The following MYH11 variants were observed in gnomAD, a reference collection of about 807,000 sequenced individuals.
MYH11 encodes the protein myosin-11.
MYH11 carries 80 observed loss-of-function variants against 246.6 expected under a neutral mutation model. That is an observed-to-expected ratio of 0.32 (90% confidence interval 0.27 to 0.39). MYH11 has a LOEUF of 0.39. MYH11 is among the 10% of genes least tolerant of loss of function. The probability of loss-of-function intolerance (pLI) is 1.00; values close to 1 mark genes in which losing one functional copy is unlikely to be tolerated. For synonymous variants in MYH11, 1,071 were observed against 1,015.5 expected (o/e 1.05, Z -1.04); for missense variants, 2,158 against 2,546.8 (o/e 0.85, Z 3.29).
chr16:15,805,968 A>C (rs997656741), intron 3 of MYH11, among the ~76,000 whole-genome samples: 7 of 151,992 alleles, frequency 4.6e-5, no homozygotes, highest in African/African-American at 1.7e-4. Flanking sequence ...GAACCTTGAC[A>C]ACATTATACT....
intron 3 of MYH11, among the ~76,000 whole-genome samples, chr16:15,800,740 G>A (rs1745296319): frequency 6.6e-6 from 1 of 151,980 alleles, no homozygotes; most frequent in Admixed American, 6.6e-5. Flanking sequence ...CTGATTGGAT[G>A]TGGGCACGTT....
rs1371318461 is a variant in MYH11 at position 15,778,791 on chromosome 16, T to C, written c.779A>G (p.Asn260Ser). The change falls in exon 7 of 41, where the codon AAC (asparagine) becomes AGC (serine). Residue 260 changes from asparagine (N) to serine (S), a missense_variant. Asn to Ser is a conservative substitution (Grantham distance 46). Coordinates refer to ENST00000300036, the MANE Select transcript of MYH11 (RefSeq NM_002474.3). The stretch of plus-strand genomic sequence containing the variant: ...CAGGGAAAGGATACAGGTCTCAATG[T>C]TGGCTCCCACGATGTAACCCGTGAC... ...FDVTGYIVGA[N>S]IETYLLEKSR... is the part of the protein sequence containing the mutation. 3 of 1,614,154 alleles carry C rather than the reference T, an allele frequency of 1.9e-6. No individual in the cohort carries two copies. Among genetic ancestry groups the C allele is most frequent in the South Asian group, 2.2e-5 (2 of 91,082 alleles).
At chr16:15,776,555 T>G (rs558679021) in intron 7 of MYH11, among the ~76,000 whole-genome samples, 5 of 152,238 alleles carry the variant, frequency 3.3e-5, no homozygotes, top group Non-Finnish European at 5.9e-5. Flanking sequence ...GATTCATTCC[T>G]GTGTGAAATG....
At chr16:15,711,277 GGCCCTGAGAAAGTCATTTCC>G (rs1362017941) in intron 40 of MYH11, 7 of 152,116 alleles carry the variant, frequency 4.6e-5, no homozygotes, top group Admixed American at 4.6e-4. Flanking sequence ...AACTGAACTG[GGCCCTGAGAAAGTCATTTCC>G]TTTCCAACTC....
Position 15,707,181 on chromosome 16 carries a change from G to A in MYH11, c.5787-3058C>T, listed in dbSNP as rs1347480432. Among the ~76,000 whole-genome samples the A allele has an allele frequency of 2.6e-5, 4 of 152,218 alleles. No homozygotes were observed. The East Asian group carries it at 7.7e-4, about 29-fold the overall frequency. On this transcript the variant is annotated intron_variant, in intron 40 of 40. Coordinates refer to ENST00000300036, the MANE Select transcript of MYH11 (RefSeq NM_002474.3). ...AGCCTTCCAAGTAACTGGGACTACA[G>A]ACATGCCACCACTCCTGGCTAATTT...
chr16:15,721,753 T>C, intron 31 of MYH11, 119 bp from the exon 32 acceptor site: 1 of 1,039,798 alleles, frequency 9.6e-7, no homozygotes, highest in South Asian at 1.3e-5. Flanking sequence ...GTGTAAGCAG[T>C]GTAGGTTAGC....
chr16:15,776,232 C>T (rs1032657827), intron 7 of MYH11, 56 bp from the exon 8 acceptor site: 3 of 1,152,880 alleles, frequency 2.6e-6, no homozygotes, highest in Non-Finnish European at 3.9e-6. Flanking sequence ...CTCTGGTCTT[C>T]CACCTCCATC....
intron 5 of MYH11, among the ~76,000 whole-genome samples, chr16:15,784,210 C>T (rs1179724641): frequency 6.6e-6 from 1 of 151,860 alleles, no homozygotes; most frequent in Non-Finnish European, 1.5e-5. Flanking sequence ...CACTGGTGCA[C>T]CAGGGACAGG....
Position 15,719,731 on chromosome 16 carries a change from G to A in MYH11, c.4954-18C>T, listed in dbSNP as rs2151204923. 6.2e-7 allele frequency: 1 copy of A among 1,613,852 alleles called. No individual in the cohort carries two copies. On this transcript the variant is annotated intron_variant, in intron 34 of 40. Transcript: ENST00000300036. ...ATCTGAGCCTGCATGAGTCAACAGG[G>A]AGGACAAGCTCAGATGTCCTTACTC...
chr16:15,727,481 G>A (rs1042052748), intron 27 of MYH11, among the ~76,000 whole-genome samples: 1 of 151,944 alleles, frequency 6.6e-6, no homozygotes, highest in East Asian at 1.9e-4. Context: ...GATTACAGGC[G>A]TGAGCTGCCG....
chr16:15,817,255 GT>G (rs1317420505), intron 3 of MYH11, among the ~76,000 whole-genome samples: 9 of 152,274 alleles, frequency 5.9e-5, no homozygotes, highest in African/African-American at 1.9e-4. Context: ...ACTTTGGGAG[GT>G]TGAGGCGGGC....
chr16:15,760,011 C>T (rs183412147), intron 11 of MYH11, among the ~76,000 whole-genome samples: 4 of 152,112 alleles, frequency 2.6e-5, no homozygotes, highest in African/African-American at 9.7e-5. Context: ...GCAGGAGAAT[C>T]GTTTGAATCT....
chr16:15,705,761 C>T (rs1022117533), intron 40 of MYH11, among the ~76,000 whole-genome samples: 2 of 151,918 alleles, frequency 1.3e-5, no homozygotes, highest in African/African-American at 4.8e-5. Context: ...GCGGGCGGAT[C>T]ATGAGGTCAG....
Position 15,758,007 on chromosome 16 carries a change from A to C in MYH11, c.1402-7T>G, listed in dbSNP as rs1336531258. On this transcript the variant is annotated splice_region_variant and splice_polypyrimidine_tract_variant and intron_variant, in intron 12 of 40. Coordinates refer to ENST00000300036, the MANE Select transcript of MYH11 (RefSeq NM_002474.3). ...GCTGCTCGAAGGAGTTCACCTGAGC[A>C]CATGGCGTGGGGGCGGGGCGTGAGC... The C allele has an allele frequency of 6.2e-7, 1 of 1,613,610 alleles. No individual in the cohort carries two copies. The highest frequency in any genetic ancestry group is 1.1e-5 in the South Asian group (1 of 91,054).
intron 4 of MYH11, among the ~76,000 whole-genome samples, chr16:15,787,236 G>A (rs1274575258): frequency 2.0e-5 from 3 of 151,730 alleles, no homozygotes; most frequent in Non-Finnish European, 2.9e-5. Flanking sequence ...GCACAACCCT[G>A]ACTCTATAAA....
In MYH11 at chr16:15,721,061, G is replaced by C. The variant is rs1410892189; in HGVS notation, c.4579-10C>G. 6.2e-7 allele frequency: 1 copy of C among 1,613,428 alleles called. No homozygotes were observed. The highest frequency in any genetic ancestry group is 8.5e-7 in the Non-Finnish European group (1 of 1,179,924). On this transcript the variant is annotated splice_polypyrimidine_tract_variant and intron_variant, in intron 32 of 40. Transcript: ENST00000300036. ...TCTCCAGCTCATGGACCTGCCGGCAGAGCGGGCAGCCCCATTCTATGAGGC... is the reference window on the plus strand; with the variant it reads ...TCTCCAGCTCATGGACCTGCCGGCACAGCGGGCAGCCCCATTCTATGAGGC...
intron 3 of MYH11, among the ~76,000 whole-genome samples, chr16:15,805,730 G>A (rs1229724093): frequency 1.3e-5 from 2 of 151,892 alleles, no homozygotes; most frequent in Admixed American, 6.6e-5. Flanking sequence ...TGGGCAACAT[G>A]GTGAAACCCT....
chr16:15,724,810 G>A lies in MYH11; in HGVS notation c.3964-11C>T. Reference sequence around the variant, plus strand: ...TTCTTGAAGCAGCTCCTGCAAAAGGGATGCAAAGAGGTCCCAGGGACCTGC... The same window carrying A: ...TTCTTGAAGCAGCTCCTGCAAAAGGAATGCAAAGAGGTCCCAGGGACCTGC... On this transcript the variant is annotated splice_polypyrimidine_tract_variant and intron_variant, in intron 29 of 40. Coordinates refer to ENST00000300036, the MANE Select transcript of MYH11 (RefSeq NM_002474.3). 6.2e-7 allele frequency: 1 copy of A among 1,613,758 alleles called. No individual in the cohort carries two copies.
chr16:15,713,246 G>C (rs2039921828), intron 40 of MYH11: 1 of 151,896 alleles, frequency 6.6e-6, no homozygotes, highest in Admixed American at 6.6e-5. Flanking sequence ...GTTCAGCATA[G>C]AAATGGAAAA....
Sources: gnomAD v4.1 joint callset for allele counts (sites outside exome capture counted in the v4.1 genomes callset) on GRCh38, gnomAD v4.1.1 for gene constraint, MANE v1.5 for transcripts, NCBI Gene and HGNC (gene_info 2026-07-23, HGNC 2026-07-21) for gene names.